QRFP: variants seen among roughly 807,000 people sequenced by gnomAD.
QRFP encodes orexigenic neuropeptide QRFP.
In QRFP, 7 loss-of-function variants were observed where a neutral mutation model predicts 9.1. The observed-to-expected ratio is 0.77, with a 90% CI of 0.44 to 1.45. The LOEUF (loss-of-function observed/expected upper bound fraction) is 1.45, where lower values mean the gene tolerates loss of function less well. Among genes scored for constraint, QRFP ranks in the 40% most tolerant of loss-of-function variants. The pLI is 0.01. For missense variants in QRFP, 204 were observed against 185.4 expected (o/e 1.10, Z -0.58); for synonymous variants, 91 against 80.2 (o/e 1.13, Z -0.72).
At position 130,895,648 on chromosome 9, in the gene QRFP, G is replaced by C. The variant is rs1214218438; in HGVS notation, c.-1+49C>G. ...CTGCCCATGCCTGGCTCCTGCCTGG[G>C]CAGGGCCTGAGCTGGGGTTCCTGCT... On this transcript the variant is annotated intron_variant, in intron 2 of 2. Transcript: ENST00000623824. 2.0e-5 allele frequency: 3 copies of C among 152,646 alleles called. 1 individual carries two copies. 9.5% of individuals were successfully genotyped at this position (152,646 alleles called of 1,614,324 possible).
chr9:130,894,763 G>A (rs188153348), intron 2 of QRFP, among the ~76,000 whole-genome samples: 3 of 152,204 alleles, frequency 2.0e-5, no homozygotes, highest in African/African-American at 7.2e-5. Context: ...ACTCAGGAAG[G>A]CGTGCCCTAA....
At chr9:130,894,874 A>G (rs1184160330) in intron 2 of QRFP, among the ~76,000 whole-genome samples, 1 of 152,066 alleles carries the variant, frequency 6.6e-6, no homozygotes, top group Non-Finnish European at 1.5e-5. Context: ...TGGCAAAGAA[A>G]ACCTTTTTGA....
chr9:130,894,380 G>A (rs879061618), intron 2 of QRFP, among the ~76,000 whole-genome samples: 3 of 152,168 alleles, frequency 2.0e-5, no homozygotes, highest in Admixed American at 2.0e-4. Context: ...GGGAAGGAGT[G>A]TGTGGACACC....
chr9:130,895,069 C>T (rs1266177121), intron 2 of QRFP, among the ~76,000 whole-genome samples: 2 of 152,156 alleles, frequency 1.3e-5, no homozygotes, highest in Non-Finnish European at 2.9e-5. Context: ...ATAATACATG[C>T]AACCCCACTT....
rs751691566 is a variant in QRFP at position 130,893,545 on chromosome 9, G to T, written c.294C>A (p.Thr98=). Residue 98 remains threonine (T), a synonymous_variant, in exon 3 of 3, where the codon ACC becomes ACA. Coordinates refer to ENST00000623824, the MANE Select transcript of QRFP (RefSeq NM_198180.3). ...FGRQDEGSEA[T]GFLPAAGEKT... ...TCTCCCCCGCAGCAGGGAGGAAGCCGGTGGCCTCACTGCCTTCGTCCTGCC... is the reference window on the plus strand; with the variant it reads ...TCTCCCCCGCAGCAGGGAGGAAGCCTGTGGCCTCACTGCCTTCGTCCTGCC... 5 of 1,612,668 alleles carry T rather than the reference G, an allele frequency of 3.1e-6. No homozygotes were observed. The African/African-American group carries it at 6.7e-5, about 22-fold the overall frequency.
At chr9:130,895,391 T>C (rs1403209916) in intron 2 of QRFP, among the ~76,000 whole-genome samples, 2 of 152,186 alleles carry the variant, frequency 1.3e-5, no homozygotes, top group African/African-American at 4.8e-5. Flanking sequence ...CATGCACCCC[T>C]TCAAGAATCT....
chr9:130,896,546 C>G (rs1831762904), intron 1 of QRFP, 31 bp downstream of exon 1: 2 of 152,378 alleles, frequency 1.3e-5, no homozygotes, highest in South Asian at 2.1e-4. Flanking sequence ...GGGCCTCCCC[C>G]ATTCCAGGGG....
rs373015598 is a variant in QRFP, at chr9:130,893,325, A to C, written c.*103T>G. The C allele has an allele frequency of 1.2e-5, 15 of 1,230,316 alleles. No individual in the cohort carries two copies. The Admixed American group carries it at 1.4e-4, about 11-fold the overall frequency. 76.2% of individuals were successfully genotyped at this position (1,230,316 alleles called of 1,614,324 possible). A position where few individuals can be genotyped will look rare whatever the true frequency, so the allele number is the denominator to read the frequency against. ...TGGATCGTTCATCGTAACCAAGCCT[A>C]CATCATCTGGGTGTCGTGGTCTTTG... On this transcript the variant is annotated 3_prime_UTR_variant, in exon 3 of 3. Coordinates refer to ENST00000623824, the MANE Select transcript of QRFP (RefSeq NM_198180.3).
At chr9:130,894,596 C>T (rs58040600) in intron 2 of QRFP, among the ~76,000 whole-genome samples, 4,273 of 152,290 alleles carry the variant, frequency 0.028, 196 homozygotes, top group African/African-American at 0.098. Flanking sequence ...AATGGCCAGA[C>T]GGCTTCTTCA....
Position 130,893,342 on chromosome 9 carries a change from TG to T in QRFP, c.*85del. ...CCAAGCCTACATCATCTGGGTGTCG[TG>T]GTCTTTGAGACTGGGGGAGAAGGCA... On this transcript the variant is annotated 3_prime_UTR_variant, in exon 3 of 3. Transcript: ENST00000623824. The T allele has an allele frequency of 7.4e-7, 1 of 1,356,254 alleles. No individual in the cohort carries two copies. The allele number at this position is 1,356,254 out of a possible 1,614,324, so 84.0% of individuals were successfully genotyped here.
chr9:130,896,566 A>C lies in QRFP; in HGVS notation c.-286+11T>G, dbSNP rs1361571995. On this transcript the variant is annotated intron_variant, in intron 1 of 2. Coordinates refer to ENST00000623824, the MANE Select transcript of QRFP (RefSeq NM_198180.3). ...TCCCCCATTCCAGGGGCCCTCACCC[A>C]GCCGACCTACCCCTGCATCCCGGCT... 22 of 152,238 alleles carry C rather than the reference A, an allele frequency of 1.4e-4. No homozygotes were observed. Among genetic ancestry groups the C allele is most frequent in the Non-Finnish European group, 1.5e-5 (1 of 68,092 alleles). The allele number at this position is 152,238 out of a possible 1,614,324, so 9.4% of individuals were successfully genotyped here. A position where few individuals can be genotyped will look rare whatever the true frequency, so the allele number is the denominator to read the frequency against.
At chr9:130,894,547 C>T (rs1485874246) in intron 2 of QRFP, among the ~76,000 whole-genome samples, 1 of 152,182 alleles carries the variant, frequency 6.6e-6, no homozygotes, top group Non-Finnish European at 1.5e-5. Flanking sequence ...GTGCCCAGGC[C>T]ACACAGCCAG....
chr9:130,896,489 G>T (rs894839986), intron 1 of QRFP, 88 bp downstream of exon 1: 2 of 152,380 alleles, frequency 1.3e-5, no homozygotes, highest in Non-Finnish European at 2.9e-5. Flanking sequence ...CAGGCAGGGG[G>T]GTGATGAGGC....
chr9:130,896,236 C>T (rs1214451809), intron 1 of QRFP, among the ~76,000 whole-genome samples: 2 of 152,328 alleles, frequency 1.3e-5, no homozygotes, highest in South Asian at 2.1e-4. Flanking sequence ...CACCGGGCTG[C>T]GCGGCTAAGC....
intron 2 of QRFP, among the ~76,000 whole-genome samples, chr9:130,894,301 G>A (rs1263373766): frequency 4.6e-5 from 7 of 152,200 alleles, no homozygotes; most frequent in Non-Finnish European, 7.3e-5. Flanking sequence ...TCTCTTTCAC[G>A]TGGGAACGAG....
chr9:130,895,131 C>G (rs1446449425), intron 2 of QRFP, among the ~76,000 whole-genome samples: 5 of 152,206 alleles, frequency 3.3e-5, no homozygotes, highest in African/African-American at 1.2e-4. Context: ...ATGGAGTGAC[C>G]TCCCTCATGC....
intron 1 of QRFP, among the ~76,000 whole-genome samples, chr9:130,896,239 G>C (rs559109990): frequency 1.3e-5 from 2 of 152,326 alleles, no homozygotes; most frequent in African/African-American, 4.8e-5. Flanking sequence ...CGGGCTGCGC[G>C]GCTAAGCCAG....
rs183697303 is a variant in QRFP at position 130,893,150 on chromosome 9, C to T, written c.*278G>A. On this transcript the variant is annotated 3_prime_UTR_variant, in exon 3 of 3. Coordinates refer to ENST00000623824, the MANE Select transcript of QRFP (RefSeq NM_198180.3). ...CAGCCTCAGCTCCGTGCCCCTGGGG[C>T]CAGGGGGCTGCTCGGAGTCAAAGCC... The T allele has an allele frequency of 9.5e-6, 3 of 315,424 alleles. No individual in the cohort carries two copies. The highest frequency in any genetic ancestry group is 1.7e-5 in the Non-Finnish European group (3 of 173,062). 19.5% of individuals were successfully genotyped at this position (315,424 alleles called of 1,614,324 possible). A position where few individuals can be genotyped will look rare whatever the true frequency, so the allele number is the denominator to read the frequency against.
chr9:130,893,970 C>G (rs1247972767), intron 2 of QRFP, 132 bp from the exon 3 acceptor site: 4 of 798,816 alleles, frequency 5.0e-6, no homozygotes, highest in Non-Finnish European at 7.4e-6. Context: ...GGCTTCCGAG[C>G]AGTGCTGGGA....
Sources: allele counts gnomAD v4.1 joint callset (sites outside exome capture counted in the v4.1 genomes callset), GRCh38; gene constraint gnomAD v4.1.1; transcripts MANE v1.5; gene names NCBI Gene and HGNC (gene_info 2026-07-23, HGNC 2026-07-21).